The following TMEM117 variants were observed in gnomAD, a reference collection of about 807,000 sequenced individuals.
TMEM117 encodes transmembrane protein 117.
TMEM117 carries 27 observed loss-of-function variants against 52.4 expected under a neutral mutation model. The ratio of observed to expected loss-of-function variants is 0.51; its 90% CI spans 0.38 to 0.71. The LOEUF (loss-of-function observed/expected upper bound fraction) is 0.71. TMEM117 is among the 30% of genes least tolerant of loss of function. The pLI, the probability that TMEM117 is intolerant of heterozygous loss-of-function variation, is 0.00. For synonymous variants in TMEM117, 215 were observed against 206.3 expected (o/e 1.04, Z -0.36); for missense variants, 556 against 630.5 (o/e 0.88, Z 1.26).
At chr12:44,143,781 A>G (rs558996460) in intron 4 of TMEM117, among the ~76,000 whole-genome samples, 157 bp downstream of exon 4, 1 of 152,308 alleles carries the variant, frequency 6.6e-6, no homozygotes, top group South Asian at 2.1e-4. Context: ...ATTATATCCA[A>G]TATCTGTGGA....
At chr12:43,870,863 C>A (rs898106458) in intron 2 of TMEM117, among the ~76,000 whole-genome samples, 1 of 152,184 alleles carries the variant, frequency 6.6e-6, no homozygotes, top group African/African-American at 2.4e-5. Flanking sequence ...CCGCTCACTG[C>A]AACCTCTGCC....
intron 6 of TMEM117, among the ~76,000 whole-genome samples, chr12:44,374,616 T>TTGTGTGTGTGTGTGTGTG (rs5742462): frequency 4.1e-5 from 6 of 144,806 alleles, no homozygotes; most frequent in African/African-American, 7.6e-5. Flanking sequence ...AAGGAACTAT[T>TTGTGTGTGTGTGTGTGTG]TGTGTGTGTG....
At chr12:44,394,694 G>A (rs1318172305), downstream of TMEM117, among the ~76,000 whole-genome samples, 1 of 152,078 alleles carries the variant, frequency 6.6e-6, no homozygotes, top group Non-Finnish European at 1.5e-5. Context: ...CATCTTGCCA[G>A]TAATCCACCA....
chr12:43,991,526 G>T (rs945924449), intron 3 of TMEM117, among the ~76,000 whole-genome samples: 56 of 151,958 alleles, frequency 3.7e-4, no homozygotes, highest in African/African-American at 1.4e-3. Flanking sequence ...ATAAGATATT[G>T]TCCCTGACCT....
intron 5 of TMEM117, among the ~76,000 whole-genome samples, chr12:44,268,656 A>G (rs559625792): frequency 9.2e-5 from 14 of 152,280 alleles, no homozygotes; most frequent in African/African-American, 2.6e-4. Flanking sequence ...TATGTTTAAT[A>G]TAGGTATACT....
intron 4 of TMEM117, among the ~76,000 whole-genome samples, chr12:44,169,310 A>G (rs1949012421): frequency 6.6e-6 from 1 of 152,226 alleles, no homozygotes; most frequent in South Asian, 2.1e-4. Flanking sequence ...TGCTACCAGC[A>G]ATGCACAAGG....
intron 6 of TMEM117, among the ~76,000 whole-genome samples, chr12:44,353,532 A>G (rs1171174639): frequency 2.0e-5 from 3 of 151,954 alleles, no homozygotes; most frequent in Admixed American, 6.5e-5. Flanking sequence ...CAGTTTTCCC[A>G]GCACCATTTA....
chr12:43,891,965 T>C (rs746842293), intron 2 of TMEM117, among the ~76,000 whole-genome samples: 3 of 152,152 alleles, frequency 2.0e-5, no homozygotes, highest in Non-Finnish European at 4.4e-5. Flanking sequence ...TATCTCTCTC[T>C]TGGACCATTG....
chr12:43,951,466 C>T (rs902812453), intron 3 of TMEM117, among the ~76,000 whole-genome samples: 5 of 152,152 alleles, frequency 3.3e-5, no homozygotes, highest in East Asian at 1.9e-4. Context: ...GGAGGGGAAG[C>T]GCCATTACTG....
At chr12:43,842,446 C>G in intron 1 of TMEM117, among the ~76,000 whole-genome samples, 1 of 151,732 alleles carries the variant, frequency 6.6e-6, no homozygotes, top group African/African-American at 2.4e-5. Flanking sequence ...TGGCTGAATT[C>G]TATTGCCAAT....
At chr12:43,962,938 A>G (rs1945427120) in intron 3 of TMEM117, among the ~76,000 whole-genome samples, 1 of 151,992 alleles carries the variant, frequency 6.6e-6, no homozygotes, top group Non-Finnish European at 1.5e-5. Flanking sequence ...TCCGTTTAAA[A>G]AAAAAAAAAA....
At chr12:44,192,900 TA>T (rs1368191450) in intron 4 of TMEM117, among the ~76,000 whole-genome samples, 2 of 152,306 alleles carry the variant, frequency 1.3e-5, no homozygotes, top group East Asian at 3.9e-4. Flanking sequence ...TAGTTGTCAA[TA>T]AATATATTGT....
chr12:44,248,691 A>G, intron 5 of TMEM117: 1 of 165,618 alleles, frequency 6.0e-6, no homozygotes, highest in Non-Finnish European at 1.3e-5. Context: ...GGACAGTATC[A>G]GCCACCATCA....
chr12:43,832,645 A>C (rs1409742321), upstream of TMEM117, among the ~76,000 whole-genome samples: 1 of 152,228 alleles, frequency 6.6e-6, no homozygotes, highest in Non-Finnish European at 1.5e-5. Flanking sequence ...AGGTCTCCTA[A>C]CCATAAAAGC....
At chr12:44,368,497 A>G (rs1204670732) in intron 6 of TMEM117, among the ~76,000 whole-genome samples, 1 of 152,094 alleles carries the variant, frequency 6.6e-6, no homozygotes, top group Non-Finnish European at 1.5e-5. Context: ...ACATTTTCCC[A>G]CTGATCTCCA....
At chr12:44,254,011 C>CAAAAAAAAAAAAAAAA (rs199912435) in intron 5 of TMEM117, among the ~76,000 whole-genome samples, 1 of 90,094 alleles carries the variant, frequency 1.1e-5, no homozygotes. Flanking sequence ...CTCATTTGAC[C>CAAAAAAAAAAAAAAAA]AAAAAAAAAA....
chr12:43,961,949 A>G (rs909294195), intron 3 of TMEM117, among the ~76,000 whole-genome samples: 3 of 152,212 alleles, frequency 2.0e-5, no homozygotes, highest in Admixed American at 6.5e-5. Context: ...CATCTGAGAA[A>G]GTGATATTTC....
chr12:43,850,848 A>G (rs994589133), intron 2 of TMEM117, among the ~76,000 whole-genome samples: 3 of 146,968 alleles, frequency 2.0e-5, no homozygotes, highest in Non-Finnish European at 2.9e-5. Context: ...TGTACATGCA[A>G]ACTTCTGATA....
the TMEM117 span, among the ~76,000 whole-genome samples, chr12:43,816,040 G>A: frequency 6.6e-6 from 1 of 152,280 alleles, no homozygotes; most frequent in East Asian, 1.9e-4. Context: ...TATTATCTTA[G>A]GTAGTTTTTG....
Sources: gnomAD v4.1 joint callset for allele counts (sites outside exome capture counted in the v4.1 genomes callset) on GRCh38, gnomAD v4.1.1 for gene constraint, MANE v1.5 for transcripts, NCBI Gene and HGNC (gene_info 2026-07-23, HGNC 2026-07-21) for gene names.